Variants in KIAA1217 observed in about 807,000 individuals in gnomAD.
KIAA1217 encodes sickle tail protein homolog.
A neutral mutation model predicts 163.9 loss-of-function variants in KIAA1217; 88 were observed. The observed-to-expected ratio is 0.54, with a 90% CI of 0.45 to 0.64. The LOEUF (loss-of-function observed/expected upper bound fraction) is 0.64, where lower values mean the gene tolerates loss of function less well. KIAA1217 is among the 30% of genes least tolerant of loss of function. The pLI, the probability that KIAA1217 is intolerant of heterozygous loss-of-function variation, is 0.00. For synonymous variants in KIAA1217, 903 were observed against 923.1 expected, an observed-to-expected ratio of 0.98 and a Z score of 0.39; for missense variants, 2,372 against 2,475.0, an observed-to-expected ratio of 0.96 and a Z score of 0.88.
intron 2 of KIAA1217, among the ~76,000 whole-genome samples, chr10:24,361,982 C>CAAAAAAAAAAAAAAAAAA (rs68117028): frequency 2.0e-5 from 2 of 100,568 alleles, no homozygotes; most frequent in Non-Finnish European, 3.9e-5. Flanking sequence ...GACTCTGTCT[C>CAAAAAAAAAAAAAAAAAA]AAAAAAAAAA....
intron 2 of KIAA1217, among the ~76,000 whole-genome samples, chr10:24,355,105 T>A (rs1591259666): frequency 4.6e-5 from 7 of 152,292 alleles, no homozygotes; most frequent in Middle Eastern, 3.4e-3. Flanking sequence ...AGTTCAGCAT[T>A]GAGCTGTCCC....
chr10:24,188,069 C>T (rs28579057), intron 2 of KIAA1217, among the ~76,000 whole-genome samples: 1,720 of 145,514 alleles, frequency 0.012, 30 homozygotes, highest in African/African-American at 0.039. Context: ...ATGGTGGCAG[C>T]GCCTGTAATC....
chr10:23,723,813 TAC>T (rs1837991580), intron 1 of KIAA1217, among the ~76,000 whole-genome samples: 1 of 152,184 alleles, frequency 6.6e-6, no homozygotes, highest in South Asian at 2.1e-4. Flanking sequence ...TGACAATAAA[TAC>T]ATGTGTATTA....
chr10:23,803,781 T>G (rs1836597368), intron 1 of KIAA1217, among the ~76,000 whole-genome samples: 1 of 152,214 alleles, frequency 6.6e-6, no homozygotes, highest in Non-Finnish European at 1.5e-5. Flanking sequence ...TTGTTGCATC[T>G]CATTGCTGTG....
At chr10:23,834,901 T>TA (rs1308858441) in intron 1 of KIAA1217, among the ~76,000 whole-genome samples, 1 of 152,142 alleles carries the variant, frequency 6.6e-6, no homozygotes, top group Non-Finnish European at 1.5e-5. Context: ...ATTCATAAAA[T>TA]AAATTTGAAT....
intron 3 of KIAA1217, among the ~76,000 whole-genome samples, chr10:24,429,771 A>G (rs1481059301): frequency 6.6e-6 from 1 of 152,098 alleles, no homozygotes; most frequent in African/African-American, 2.4e-5. Flanking sequence ...CACGGTTGTA[A>G]TTTTGGGAAG....
At chr10:23,954,595 G>T (rs1187661123) in intron 1 of KIAA1217, among the ~76,000 whole-genome samples, 1 of 151,138 alleles carries the variant, frequency 6.6e-6, no homozygotes. Flanking sequence ...GGAAGGGAAG[G>T]AAGGAAGGCA....
chr10:24,424,464 T>A lies in KIAA1217; in HGVS notation c.554-8531T>A, dbSNP rs1051581496. 6.6e-5 allele frequency among the ~76,000 whole-genome samples: 10 copies of A among 152,370 alleles called. 1 individual carries two copies. Among genetic ancestry groups the A allele is most frequent in the Admixed American group, 1.3e-4 (2 of 15,308 alleles). On this transcript the variant is annotated intron_variant, in intron 3 of 20. Coordinates refer to ENST00000376454, the MANE Select transcript of KIAA1217 (RefSeq NM_019590.5). ...GAGACTTTTTTGATTGCTTTTGTAC[T>A]CCCGAGTTCCTGGCACAGGCCTGGC...
At chr10:24,275,354 A>G (rs1281892654) in intron 2 of KIAA1217, among the ~76,000 whole-genome samples, 2 of 152,230 alleles carry the variant, frequency 1.3e-5, no homozygotes, top group African/African-American at 4.8e-5. Flanking sequence ...ACACAAAAAG[A>G]CACAAAAATG....
intron 2 of KIAA1217, among the ~76,000 whole-genome samples, chr10:24,017,957 GA>G (rs1012222265): frequency 6.6e-6 from 1 of 152,078 alleles, no homozygotes; most frequent in African/African-American, 2.4e-5. Flanking sequence ...GCACAAAAAA[GA>G]AAATGTATTC....
intron 1 of KIAA1217, among the ~76,000 whole-genome samples, chr10:23,848,733 A>G (rs1013319267): frequency 6.6e-6 from 1 of 152,014 alleles, no homozygotes; most frequent in African/African-American, 2.4e-5. Flanking sequence ...TACCTCTTAT[A>G]TATCTATTGA....
At chr10:24,320,711 C>G (rs1267260190) in intron 2 of KIAA1217, among the ~76,000 whole-genome samples, 1 of 152,122 alleles carries the variant, frequency 6.6e-6, no homozygotes, top group Non-Finnish European at 1.5e-5. Flanking sequence ...GAAAATTCTC[C>G]ATTTTTTCAT....
intron 1 of KIAA1217, among the ~76,000 whole-genome samples, chr10:23,904,577 A>T (rs1438808684): frequency 6.6e-6 from 1 of 152,132 alleles, no homozygotes; most frequent in Non-Finnish European, 1.5e-5. Context: ...TATCAGAGTC[A>T]TGGCAGCAGG....
At chr10:24,111,627 CT>C (rs2062849037) in intron 2 of KIAA1217, among the ~76,000 whole-genome samples, 1 of 152,122 alleles carries the variant, frequency 6.6e-6, no homozygotes, top group Non-Finnish European at 1.5e-5. Flanking sequence ...CTTCACTGAC[CT>C]TTTTCTCCTC....
intron 2 of KIAA1217, among the ~76,000 whole-genome samples, chr10:24,058,858 A>G (rs1387725248): frequency 1.3e-5 from 2 of 151,920 alleles, no homozygotes; most frequent in Non-Finnish European, 2.9e-5. Flanking sequence ...TTTTTCCTTT[A>G]TGATGTAGAT....
At chr10:24,107,572 C>T (rs192927368) in intron 2 of KIAA1217, among the ~76,000 whole-genome samples, 2 of 152,286 alleles carry the variant, frequency 1.3e-5, no homozygotes, top group East Asian at 3.9e-4. Context: ...CTAATCATAG[C>T]CATTCTGACT....
chr10:23,773,886 A>G (rs1834901349), intron 1 of KIAA1217, among the ~76,000 whole-genome samples: 1 of 152,058 alleles, frequency 6.6e-6, no homozygotes, highest in South Asian at 2.1e-4. Flanking sequence ...TTCTAGATAT[A>G]CAATCATGTC....
chr10:23,811,241 T>C (rs1837033819), intron 1 of KIAA1217, among the ~76,000 whole-genome samples: 1 of 144,292 alleles, frequency 6.9e-6, no homozygotes, highest in Non-Finnish European at 1.5e-5. Context: ...TGTATATATA[T>C]TATATATAGT....
chr10:23,848,220 T>C (rs1314762414), intron 1 of KIAA1217, among the ~76,000 whole-genome samples: 1 of 152,156 alleles, frequency 6.6e-6, no homozygotes, highest in Non-Finnish European at 1.5e-5. Context: ...CATAGATGTC[T>C]ATTTGGTCCA....
Sources: allele counts gnomAD v4.1 joint callset (sites outside exome capture counted in the v4.1 genomes callset), GRCh38; gene constraint gnomAD v4.1.1; transcripts MANE v1.5; gene names NCBI Gene and HGNC (gene_info 2026-07-23, HGNC 2026-07-21).